The following MCTP1 variants were observed in gnomAD, a reference collection of about 807,000 sequenced individuals.
The protein encoded by MCTP1 is multiple C2 and transmembrane domain-containing protein 1.
MCTP1 carries 69 observed loss-of-function variants against 120.6 expected under a neutral mutation model. That is an observed-to-expected ratio of 0.57 (90% CI 0.47 to 0.70). The LOEUF (loss-of-function observed/expected upper bound fraction) is 0.70. Among genes scored for constraint, MCTP1 ranks in the 30% least tolerant of loss-of-function variants. The probability of loss-of-function intolerance (pLI) is 0.00; values close to 1 mark genes in which losing one functional copy is unlikely to be tolerated. For missense variants in MCTP1, 1,203 were observed against 1,248.8 expected (o/e 0.96, Z 0.55); for synonymous variants, 529 against 493.1 (o/e 1.07, Z -0.96).
chr5:95,272,658 G>A (rs1222183175), intron 1 of MCTP1, among the ~76,000 whole-genome samples: 1 of 152,228 alleles, frequency 6.6e-6, no homozygotes, highest in African/African-American at 2.4e-5. Context: ...GAAAAGCCCA[G>A]AGGCAGAGAG....
chr5:94,966,044 C>T (rs774687272), intron 2 of MCTP1, among the ~76,000 whole-genome samples: 20 of 152,080 alleles, frequency 1.3e-4, no homozygotes, highest in Non-Finnish European at 2.6e-4. Flanking sequence ...TTTTTTATAC[C>T]AGCACAAACA....
At chr5:95,149,252 C>G (rs1167235554) in intron 1 of MCTP1, among the ~76,000 whole-genome samples, 1 of 152,134 alleles carries the variant, frequency 6.6e-6, no homozygotes. Context: ...CCAGACTGAC[C>G]CTGTAGAAGG....
intron 1 of MCTP1, among the ~76,000 whole-genome samples, chr5:95,207,804 G>T (rs1562237718): frequency 1.3e-5 from 2 of 152,066 alleles, no homozygotes; most frequent in South Asian, 4.2e-4. Context: ...AAACAGGAAT[G>T]AAAGTTTAAA....
At chr5:95,207,621 G>A (rs185553851) in intron 1 of MCTP1, among the ~76,000 whole-genome samples, 42 of 152,184 alleles carry the variant, frequency 2.8e-4, no homozygotes, top group Admixed American at 2.2e-3. Flanking sequence ...AATCCAGAGA[G>A]GTAAGTGCAA....
At chr5:94,710,706 TA>T in intron 21 of MCTP1, 111 bp downstream of exon 21, 1 of 643,310 alleles carries the variant, frequency 1.6e-6, no homozygotes, top group South Asian at 2.2e-5. Flanking sequence ...CATCATGGAG[TA>T]GCTTCATGAC....
Position 94,894,691 on chromosome 5 carries a change from G to A in MCTP1, c.1797C>T (p.Ser599=). The change falls in exon 11 of 23, where the codon TCC becomes TCT. Residue 599 remains serine, a synonymous_variant. Transcript: ENST00000515393. ...TVSISDLSVN[S]LEDQKEREEI... The stretch of plus-strand genomic sequence containing the variant: ...CCTCTCGTTCCTTCTGGTCCTCCAG[G>A]GAGTTGACAGACAGGTCAGAGATGC... The A allele has an allele frequency of 1.9e-6, 3 of 1,612,392 alleles. No homozygotes were observed. The highest frequency in any genetic ancestry group is 2.2e-5 in the East Asian group (1 of 44,820).
chr5:95,252,347 C>A (rs1757459279), intron 1 of MCTP1, among the ~76,000 whole-genome samples: 1 of 152,152 alleles, frequency 6.6e-6, no homozygotes, highest in Non-Finnish European at 1.5e-5. Context: ...AAGATAGGGG[C>A]ACTATCTTCC....
intron 17 of MCTP1, among the ~76,000 whole-genome samples, chr5:94,821,722 A>C (rs1045086069): frequency 8.5e-5 from 13 of 152,138 alleles, no homozygotes; most frequent in African/African-American, 3.1e-4. Context: ...CTGATACAAA[A>C]ACCTATACAC....
chr5:95,085,013 AT>A (rs1755320098), intron 1 of MCTP1, among the ~76,000 whole-genome samples: 1 of 152,140 alleles, frequency 6.6e-6, no homozygotes, highest in Non-Finnish European at 1.5e-5. Flanking sequence ...GTTTGGCTCT[AT>A]TTTATTCTCT....
chr5:95,214,010 A>C (rs1752726629), intron 1 of MCTP1, among the ~76,000 whole-genome samples: 1 of 152,228 alleles, frequency 6.6e-6, no homozygotes, highest in South Asian at 2.1e-4. Context: ...CAAAATTGAC[A>C]AATGGGATCT....
chr5:95,249,818 T>C (rs1317244621), intron 1 of MCTP1, among the ~76,000 whole-genome samples: 3 of 152,324 alleles, frequency 2.0e-5, no homozygotes, highest in Admixed American at 6.5e-5. Flanking sequence ...CATGGGATAC[T>C]ATGCAGCCAT....
chr5:94,916,866 T>C (rs1810205152), intron 8 of MCTP1, among the ~76,000 whole-genome samples: 1 of 152,268 alleles, frequency 6.6e-6, no homozygotes, highest in African/African-American at 2.4e-5. Context: ...ATACACACTC[T>C]AGAGTGAGGA....
chr5:94,741,915 A>G (rs1185643310), intron 19 of MCTP1, among the ~76,000 whole-genome samples: 1 of 152,106 alleles, frequency 6.6e-6, no homozygotes, highest in Non-Finnish European at 1.5e-5. Context: ...AGTGCTACCT[A>G]TTTCTTAGGG....
At chr5:94,736,825 G>A (rs1190791456) in intron 19 of MCTP1, among the ~76,000 whole-genome samples, 1 of 152,142 alleles carries the variant, frequency 6.6e-6, no homozygotes, top group African/African-American at 2.4e-5. Context: ...TTGATTTACT[G>A]AGATAACATG....
chr5:95,177,155 CTATATTTA>C (rs1489730742), intron 1 of MCTP1, among the ~76,000 whole-genome samples: 2 of 150,754 alleles, frequency 1.3e-5, no homozygotes, highest in African/African-American at 2.4e-5. Flanking sequence ...ATTTTTATAT[CTATATTTA>C]TATATTTATA....
intron 1 of MCTP1, among the ~76,000 whole-genome samples, chr5:95,145,529 T>C (rs1760310022): frequency 6.6e-6 from 1 of 152,134 alleles, no homozygotes; most frequent in Non-Finnish European, 1.5e-5. Context: ...TGACTGTGGG[T>C]TTGTCATGAA....
chr5:95,197,033 G>A (rs189591358), intron 1 of MCTP1, among the ~76,000 whole-genome samples: 5 of 152,208 alleles, frequency 3.3e-5, no homozygotes, highest in Admixed American at 2.0e-4. Context: ...TTTGTTTTTA[G>A]TACTCTAGTT....
chr5:95,168,810 G>A (rs1746801047), intron 1 of MCTP1, among the ~76,000 whole-genome samples: 5 of 152,070 alleles, frequency 3.3e-5, no homozygotes, highest in Admixed American at 3.3e-4. Flanking sequence ...GAGACAATGG[G>A]GTTTTCTAAA....
intron 2 of MCTP1, among the ~76,000 whole-genome samples, chr5:94,956,091 T>C (rs543037586): frequency 6.6e-6 from 1 of 152,326 alleles, no homozygotes; most frequent in South Asian, 2.1e-4. Flanking sequence ...ATCTTTGCTG[T>C]TCTGCAGCCT....
Sources: gnomAD v4.1 joint callset for allele counts (sites outside exome capture counted in the v4.1 genomes callset) on GRCh38, gnomAD v4.1.1 for gene constraint, MANE v1.5 for transcripts, NCBI Gene and HGNC (gene_info 2026-07-23, HGNC 2026-07-21) for gene names.